Variants in SLC16A7 observed in about 807,000 individuals in gnomAD.
The protein encoded by SLC16A7 is monocarboxylate transporter 2.
A neutral mutation model predicts 34.9 loss-of-function variants in SLC16A7; 33 were observed. The ratio of observed to expected loss-of-function variants is 0.94; its 90% CI spans 0.72 to 1.26. The LOEUF (loss-of-function observed/expected upper bound fraction) is 1.26, where lower values mean the gene tolerates loss of function less well. Ranked by LOEUF, SLC16A7 falls within the 50% of genes most tolerant of loss-of-function variation. The pLI is 0.00. For synonymous variants in SLC16A7, 201 were observed against 206.6 expected, an observed-to-expected ratio of 0.97 and a Z score of 0.23; for missense variants, 573 against 578.1, an observed-to-expected ratio of 0.99 and a Z score of 0.09.
At chr12:59,769,664 A>C (rs1183645178) in intron 3 of SLC16A7, among the ~76,000 whole-genome samples, 2 of 152,084 alleles carry the variant, frequency 1.3e-5, no homozygotes, top group African/African-American at 4.8e-5. Flanking sequence ...GTTTAATTTT[A>C]AATTTTTTTG....
chr12:59,761,125 G>A (rs948927398), intron 3 of SLC16A7: 2 of 1,271,802 alleles, frequency 1.6e-6, no homozygotes, highest in African/African-American at 3.1e-5. Flanking sequence ...GTGTTTACAG[G>A]TAGAATATTT....
intron 1 of SLC16A7, among the ~76,000 whole-genome samples, chr12:59,647,623 G>A (rs1311424230): frequency 6.6e-6 from 1 of 152,058 alleles, no homozygotes; most frequent in African/African-American, 2.4e-5. Flanking sequence ...GACCAGAAGG[G>A]GCCCACCTTC....
chr12:59,726,339 G>T (rs1876229061), intron 3 of SLC16A7, among the ~76,000 whole-genome samples: 1 of 151,974 alleles, frequency 6.6e-6, no homozygotes, highest in Non-Finnish European at 1.5e-5. Flanking sequence ...TAAATCTATT[G>T]AAAGCACAGA....
intron 2 of SLC16A7, among the ~76,000 whole-genome samples, chr12:59,668,455 C>G (rs755479978): frequency 2.0e-5 from 3 of 152,112 alleles, no homozygotes; most frequent in African/African-American, 7.2e-5. Context: ...TAATGACTGC[C>G]GTATTGGATT....
intron 3 of SLC16A7, among the ~76,000 whole-genome samples, chr12:59,770,434 C>T (rs115185930): frequency 0.01 from 1,547 of 152,248 alleles, 14 homozygotes; most frequent in African/African-American, 0.036. Flanking sequence ...ATTTACTCCA[C>T]CTTACTAGAA....
At chr12:59,700,707 T>C (rs983901600) in intron 2 of SLC16A7, among the ~76,000 whole-genome samples, 4 of 151,676 alleles carry the variant, frequency 2.6e-5, no homozygotes, top group African/African-American at 9.7e-5. Flanking sequence ...CAATTCGGGA[T>C]AGTTGTTGCC....
intron 1 of SLC16A7, among the ~76,000 whole-genome samples, chr12:59,632,638 G>T (rs1880234196): frequency 6.6e-6 from 1 of 152,012 alleles, no homozygotes; most frequent in Admixed American, 6.6e-5. Context: ...CTAGAAGCCA[G>T]TGGCACACTC....
chr12:59,779,741 G>T lies in SLC16A7; in HGVS notation c.*62G>T. 7.2e-7 allele frequency: 1 copy of T among 1,384,442 alleles called. No individual in the cohort carries two copies. The highest frequency in any genetic ancestry group is 1.5e-5 in the South Asian group (1 of 67,772). 85.8% of individuals were successfully genotyped at this position (1,384,442 alleles called of 1,614,324 possible). A position where few individuals can be genotyped will look rare whatever the true frequency, so the allele number is the denominator to read the frequency against. On this transcript the variant is annotated 3_prime_UTR_variant, in exon 6 of 6. Coordinates refer to ENST00000547379, the MANE Select transcript of SLC16A7 (RefSeq NM_001270623.2). ...TATCTAGGAGTTTGTTTTTCATTTT[G>T]TTTTTTTAAAGTATTAGAAAAGGTT...
rs554005064 is a variant in SLC16A7 at position 59,711,458 on chromosome 12, AATGAAATATAATGCTTAGTAGCC to A, written c.217+6465_217+6487del. Among the ~76,000 whole-genome samples the A allele has an allele frequency of 1.4e-3, 216 of 152,286 alleles. 1 individual carries two copies. The highest frequency in any genetic ancestry group is 6.8e-3 in the Middle Eastern group (2 of 294). On this transcript the variant is annotated intron_variant, in intron 3 of 5. Transcript: ENST00000547379. Reference sequence around the variant, plus strand: ...ATATCATATTTGGAAACTATTGCCTAATGAAATATAATGCTTAGTAGCCATGAAATATAATGCTTAGTAGCCAC... The same window carrying A: ...ATATCATATTTGGAAACTATTGCCTAATGAAATATAATGCTTAGTAGCCAC...
At position 59,771,251 on chromosome 12, in the gene SLC16A7, G is replaced by A. The variant is rs749085265; in HGVS notation, c.250G>A (p.Gly84Ser). 9.3e-6 allele frequency: 15 copies of A among 1,613,026 alleles called. No homozygotes were observed. Among genetic ancestry groups the A allele is most frequent in the East Asian group, 4.5e-5 (2 of 44,796 alleles). ...AAGTAGTGTTTTGGTGAATAAATAC[G>A]GCAGCCGGCCGGTGGTGATAGCAGG... ...PVSSVLVNKY[G>S]SRPVVIAGGL... Residue 84 changes from glycine (G) to serine (S), a missense_variant, in exon 4 of 6, where the codon GGC (glycine) becomes AGC (serine). Coordinates refer to ENST00000547379, the MANE Select transcript of SLC16A7 (RefSeq NM_001270623.2).
chr12:59,708,118 G>A (rs1047168296), intron 3 of SLC16A7, among the ~76,000 whole-genome samples: 1 of 152,102 alleles, frequency 6.6e-6, no homozygotes, highest in South Asian at 2.1e-4. Flanking sequence ...TAATGTGGAT[G>A]CAGATAATTT....
chr12:59,721,107 A>T (rs1423641221), intron 3 of SLC16A7, among the ~76,000 whole-genome samples: 1 of 151,950 alleles, frequency 6.6e-6, no homozygotes, highest in Non-Finnish European at 1.5e-5. Context: ...CTGCTTGGTA[A>T]CCATATTTTA....
intron 1 of SLC16A7, among the ~76,000 whole-genome samples, chr12:59,639,489 T>C (rs984699631): frequency 6.6e-6 from 1 of 152,134 alleles, no homozygotes; most frequent in African/African-American, 2.4e-5. Context: ...GCTCAAGCTA[T>C]CCTCCTGCCT....
chr12:59,719,016 G>T (rs1875251836), intron 3 of SLC16A7, among the ~76,000 whole-genome samples: 1 of 152,088 alleles, frequency 6.6e-6, no homozygotes, highest in Non-Finnish European at 1.5e-5. Flanking sequence ...CTTGTCACAT[G>T]TGAGAATGTA....
chr12:59,699,830 C>T (rs113814935), intron 2 of SLC16A7, among the ~76,000 whole-genome samples: 58 of 151,932 alleles, frequency 3.8e-4, no homozygotes, highest in African/African-American at 1.4e-3. Context: ...GCAACACTTA[C>T]ATTCCCAGCT....
chr12:59,626,354 C>A (rs1403981312), intron 1 of SLC16A7, among the ~76,000 whole-genome samples: 3 of 151,666 alleles, frequency 2.0e-5, no homozygotes, highest in African/African-American at 7.3e-5. Context: ...TGGGTTATTT[C>A]TAGGCCTCTG....
chr12:59,753,720 A>G (rs1438177520), intron 3 of SLC16A7, among the ~76,000 whole-genome samples: 2 of 152,148 alleles, frequency 1.3e-5, no homozygotes. Context: ...TAACAAGGAT[A>G]CCCAGGAATT....
chr12:59,604,603 C>T (rs1320714113), intron 1 of SLC16A7, among the ~76,000 whole-genome samples: 2 of 152,054 alleles, frequency 1.3e-5, no homozygotes, highest in African/African-American at 4.8e-5. Flanking sequence ...ATATTTAATA[C>T]CTTACATGTT....
intron 1 of SLC16A7, among the ~76,000 whole-genome samples, chr12:59,636,448 T>A (rs1016339171): frequency 1.3e-5 from 2 of 152,134 alleles, no homozygotes; most frequent in Non-Finnish European, 2.9e-5. Context: ...CAAAAATAGA[T>A]GCACAAAATA....
Sources: allele counts gnomAD v4.1 joint callset (sites outside exome capture counted in the v4.1 genomes callset), GRCh38; gene constraint gnomAD v4.1.1; transcripts MANE v1.5; gene names NCBI Gene and HGNC (gene_info 2026-07-23, HGNC 2026-07-21).